ATG4B: variants seen among roughly 807,000 people sequenced by gnomAD.
ATG4B encodes the protein autophagy related 4B cysteine peptidase.
A neutral mutation model predicts 56.6 loss-of-function variants in ATG4B; 29 were observed. The observed-to-expected ratio is 0.51, with a 90% CI of 0.38 to 0.70. The LOEUF is 0.70. Ranked by LOEUF, ATG4B falls within the 30% of genes least tolerant of loss-of-function variation. The probability of loss-of-function intolerance (pLI) is 0.00; values close to 1 mark genes in which losing one functional copy is unlikely to be tolerated. For synonymous variants in ATG4B, 224 were observed against 206.1 expected, an observed-to-expected ratio of 1.09 and a Z score of -0.74; for missense variants, 461 against 515.5, an observed-to-expected ratio of 0.89 and a Z score of 1.02.
Position 241,666,732 on chromosome 2 carries a change from G to A in ATG4B, c.626G>A (p.Gly209Glu). The A allele has an allele frequency of 6.2e-7, 1 of 1,611,516 alleles. No homozygotes were observed. The highest frequency in any genetic ancestry group is 8.5e-7 in the Non-Finnish European group (1 of 1,178,928). ...CGGCACTGCAACGGATTCCCTGCCG[G>A]AGCTGAGGTCACCAACAGGCCGTCG... is the stretch of plus-strand genomic sequence containing the variant. The part of the protein sequence containing the change: ...SDRHCNGFPA[G>E]AEVTNRPSPW... Residue 209 changes from glycine to glutamate, a missense_variant, in exon 8 of 13, where the codon GGA becomes GAA. Coordinates refer to ENST00000404914, the MANE Select transcript of ATG4B (RefSeq NM_013325.5).
chr2:241,637,797 G>T, intron 1 of ATG4B, 73 bp downstream of exon 1: 1 of 1,467,726 alleles, frequency 6.8e-7, no homozygotes, highest in Non-Finnish European at 9.0e-7. Flanking sequence ...TGCTCGGGTC[G>T]GGCTGCCGCG....
At chr2:241,663,403 A>G (rs1051448073) in intron 7 of ATG4B, among the ~76,000 whole-genome samples, 7 of 152,210 alleles carry the variant, frequency 4.6e-5, no homozygotes, top group Admixed American at 1.3e-4. Flanking sequence ...GGGAATTTCT[A>G]TGAAACTAAT....
intron 1 of ATG4B, among the ~76,000 whole-genome samples, chr2:241,639,335 G>T (rs34618534): frequency 0.36 from 55,125 of 152,006 alleles, 10,196 homozygotes; most frequent in African/African-American, 0.43. Flanking sequence ...CCAAGAGGGG[G>T]TGTTGCAGAG....
chr2:241,659,018 C>T (rs2068504018), intron 6 of ATG4B, 90 bp from the exon 7 acceptor site: 2 of 996,376 alleles, frequency 2.0e-6, no homozygotes, highest in Admixed American at 2.8e-5. Flanking sequence ...GCACCTCTAA[C>T]GCGAACCCTC....
At chr2:241,657,129 C>T (rs2068431162) in intron 6 of ATG4B, among the ~76,000 whole-genome samples, 1 of 151,326 alleles carries the variant, frequency 6.6e-6, no homozygotes, top group Non-Finnish European at 1.5e-5. Flanking sequence ...GCACCCGCCA[C>T]CATGCCCAGC....
chr2:241,672,258 C>A lies in ATG4B; in HGVS notation c.1176C>A (p.Ser392=). ...DSEDEDFEIL[S]L The stretch of plus-strand genomic sequence containing the variant: ...AAGATGAAGACTTTGAAATCCTGTC[C>A]CTTTGAAAATCCTGGGGTCGGGGGT... The change falls in exon 13 of 13, where the codon TCC becomes TCA. Residue 392 remains serine, a synonymous_variant. Transcript: ENST00000404914. 6.3e-7 allele frequency: 1 copy of A among 1,576,704 alleles called. No homozygotes were observed. The highest frequency in any genetic ancestry group is 8.6e-7 in the Non-Finnish European group (1 of 1,160,694).
At chr2:241,663,648 A>G (rs957424388) in intron 7 of ATG4B, among the ~76,000 whole-genome samples, 1 of 152,192 alleles carries the variant, frequency 6.6e-6, no homozygotes, top group African/African-American at 2.4e-5. Flanking sequence ...ACCAAAGAAT[A>G]ATATTAAAGA....
intron 1 of ATG4B, among the ~76,000 whole-genome samples, chr2:241,639,465 C>T (rs2067817113): frequency 6.6e-6 from 1 of 152,170 alleles, no homozygotes; most frequent in Admixed American, 6.5e-5. Context: ...GGGTGGCTGC[C>T]CTTTGCCGGC....
rs145819418 is a variant in ATG4B at position 241,654,802 on chromosome 2, C to T, written c.385+155C>T. 982 of 644,882 alleles carry T rather than the reference C, an allele frequency of 1.5e-3. 13 individuals carry two copies. The East Asian group carries it at 0.022, about 14-fold the overall frequency. The allele number at this position is 644,882 out of a possible 1,614,324, so 39.9% of individuals were successfully genotyped here. A position where few individuals can be genotyped will look rare whatever the true frequency, so the allele number is the denominator to read the frequency against. On this transcript the variant is annotated intron_variant, in intron 5 of 12. Transcript: ENST00000404914. ...CCTCTGACCATCTGTGCGCTGCTGTCACATCACCCCCGTGTCATCCCACAT... is the reference window on the plus strand; with the variant it reads ...CCTCTGACCATCTGTGCGCTGCTGTTACATCACCCCCGTGTCATCCCACAT...
chr2:241,673,728 G>C lies in ATG4B; in HGVS notation c.*1464G>C. On this transcript the variant is annotated 3_prime_UTR_variant, in exon 13 of 13. Coordinates refer to ENST00000404914, the MANE Select transcript of ATG4B (RefSeq NM_013325.5). ...TGGGAGCTGCAGTGGTAATGTGTGG[G>C]ACACCTTGACCAAAGGGGAGCTTTG... 2.2e-6 allele frequency: 1 copy of C among 455,354 alleles called. No individual in the cohort carries two copies. Among genetic ancestry groups the C allele is most frequent in the South Asian group, 1.6e-5 (1 of 64,506 alleles). 28.2% of individuals were successfully genotyped at this position (455,354 alleles called of 1,614,324 possible).
At position 241,668,594 on chromosome 2, in the gene ATG4B, C is replaced by G. The variant is rs1161689946; in HGVS notation, c.866C>G (p.Thr289Ser). The change falls in exon 10 of 13, where the codon ACT (threonine) becomes AGT (serine). Residue 289 changes from threonine (T) to serine (S), a missense_variant. By Grantham distance (58) the Thr-to-Ser change is moderately conservative. Transcript: ENST00000404914. The surrounding 1 kb of genome is among the most constrained non-coding windows in gnomAD (Gnocchi z 4.2). The stretch of plus-strand genomic sequence containing the variant: ...ACCACGCAGCCAGCCGTGGAGCCCA[C>G]TGATGGCTGCTTCATCCCGGACGAG... ...PHTTQPAVEP[T>S]DGCFIPDESF... 1 of 1,604,994 alleles carries G rather than the reference C, an allele frequency of 6.2e-7. No homozygotes were observed. Among genetic ancestry groups the G allele is most frequent in the Non-Finnish European group, 8.5e-7 (1 of 1,176,776 alleles).
chr2:241,672,025 A>T (rs993021758), intron 12 of ATG4B, 166 bp from the exon 13 acceptor site: 2 of 1,311,032 alleles, frequency 1.5e-6, no homozygotes, highest in Non-Finnish European at 2.0e-6. Context: ...CTCCCCCCAT[A>T]TTCGCAGGTC....
chr2:241,640,576 G>T (rs2067852729), intron 1 of ATG4B, among the ~76,000 whole-genome samples: 1 of 152,198 alleles, frequency 6.6e-6, no homozygotes, highest in Admixed American at 6.5e-5. Context: ...CATTGCCCTG[G>T]GGTAGCTAAC....
At position 241,659,356 on chromosome 2, in the gene ATG4B, C is replaced by T. The variant is rs779175823; in HGVS notation, c.538+169C>T. The T allele has an allele frequency of 3.9e-5, 27 of 698,398 alleles. No homozygotes were observed. In the South Asian group the frequency reaches 4.0e-4, roughly 10 times the overall value. 43.3% of individuals were successfully genotyped at this position (698,398 alleles called of 1,614,324 possible). A position where few individuals can be genotyped will look rare whatever the true frequency, so the allele number is the denominator to read the frequency against. On this transcript the variant is annotated intron_variant, in intron 7 of 12. Coordinates refer to ENST00000404914, the MANE Select transcript of ATG4B (RefSeq NM_013325.5). ...AAGCCAGATGCACGGTGGCCTCGCT[C>T]TCCTATCCCGGCGGTCATACCAAGA...
At position 241,655,563 on chromosome 2, in the gene ATG4B, C is replaced by T. The variant is rs555349199; in HGVS notation, c.458+220C>T. On this transcript the variant is annotated intron_variant, in intron 6 of 12. Transcript: ENST00000404914. ...ACCGTAGTCCACATCCTGGCTGGCA[C>T]ATTGGACCCTTGTTCTTTGCTGCAT... 1.0e-4 allele frequency: 59 copies of T among 579,118 alleles called. 2 individuals are homozygous for T. In the South Asian group the frequency reaches 1.2e-3, roughly 12 times the overall value. The allele number at this position is 579,118 out of a possible 1,614,324, so 35.9% of individuals were successfully genotyped here. A position where few individuals can be genotyped will look rare whatever the true frequency, so the allele number is the denominator to read the frequency against.
chr2:241,642,331 CTCTT>C (rs1479406927), intron 1 of ATG4B, among the ~76,000 whole-genome samples: 5 of 151,966 alleles, frequency 3.3e-5, no homozygotes, highest in Admixed American at 3.3e-4. Flanking sequence ...GTTCCTTTCT[CTCTT>C]TCTCTGTTTT....
At chr2:241,646,201 G>A (rs4247179) in intron 1 of ATG4B, among the ~76,000 whole-genome samples, 75,729 of 152,052 alleles carry the variant, frequency 0.5, 19,303 homozygotes, top group East Asian at 0.83. Context: ...TACACCTGCT[G>A]TGCATTTTAC....
At chr2:241,672,137 A>C in intron 12 of ATG4B, 54 bp from the exon 13 acceptor site, 1 of 1,549,512 alleles carries the variant, frequency 6.5e-7, no homozygotes, top group Non-Finnish European at 8.7e-7. Flanking sequence ...CCCTTGACTC[A>C]CACCCAGGTG....
intron 3 of ATG4B, among the ~76,000 whole-genome samples, chr2:241,652,288 C>T (rs1268013769): frequency 2.0e-5 from 3 of 152,242 alleles, no homozygotes; most frequent in African/African-American, 7.2e-5. Flanking sequence ...TGCGCTGAAC[C>T]TGCTCTCTTG....
Sources: allele counts gnomAD v4.1 joint callset (sites outside exome capture counted in the v4.1 genomes callset), GRCh38; gene constraint gnomAD v4.1.1; non-coding constraint Gnocchi (gnomAD v3.1); transcripts MANE v1.5; gene names NCBI Gene and HGNC (gene_info 2026-07-23, HGNC 2026-07-21).